The following TXNDC16 variants were observed in gnomAD, a reference collection of about 807,000 sequenced individuals.
TXNDC16 encodes thioredoxin domain-containing protein 16.
A neutral mutation model predicts 85.6 loss-of-function variants in TXNDC16; 74 were observed. That is an observed-to-expected ratio of 0.86 (90% CI 0.72 to 1.05). The LOEUF (loss-of-function observed/expected upper bound fraction) is 1.05, where lower values mean the gene tolerates loss of function less well. Among genes scored for constraint, TXNDC16 ranks in the 50% least tolerant of loss-of-function variants. The pLI is 0.00. For missense variants in TXNDC16, 959 were observed against 947.0 expected (o/e 1.01, Z -0.17); for synonymous variants, 335 against 326.5 (o/e 1.03, Z -0.28).
intron 6 of TXNDC16, among the ~76,000 whole-genome samples, chr14:52,528,990 A>G (rs998471935): frequency 1.4e-5 from 2 of 147,814 alleles, no homozygotes; most frequent in African/African-American, 4.9e-5. Context: ...TAATCTATAT[A>G]AAACCTATTA....
intron 9 of TXNDC16, among the ~76,000 whole-genome samples, chr14:52,496,241 T>C (rs1236545378): frequency 6.6e-6 from 1 of 151,746 alleles, no homozygotes; most frequent in Non-Finnish European, 1.5e-5. Context: ...ATAACCACTA[T>C]ATACACTCCT....
intron 12 of TXNDC16, among the ~76,000 whole-genome samples, chr14:52,488,013 T>C (rs1365364980): frequency 6.6e-6 from 1 of 152,202 alleles, no homozygotes; most frequent in Non-Finnish European, 1.5e-5. Context: ...CATTTCCTAA[T>C]AAAAATAGTA....
At position 52,530,403 on chromosome 14, in the gene TXNDC16, T is replaced by A. The variant is rs1463115787; in HGVS notation, c.392+6316A>T. On this transcript the variant is annotated intron_variant, in intron 6 of 20. Transcript: ENST00000281741. ...TTATATATAATATTATAATATAATATATAATTATTATATAATATTATATAT... is the reference window on the plus strand; with the variant it reads ...TTATATATAATATTATAATATAATAAATAATTATTATATAATATTATATAT... Among the ~76,000 whole-genome samples the A allele has an allele frequency of 1.1e-4, 2 of 17,780 alleles. 1 individual carries two copies. The highest frequency in any genetic ancestry group is 1.6e-4 in the Non-Finnish European group (2 of 12,796). The allele number at this position is 17,780 out of a possible 152,430, so 11.7% of individuals were successfully genotyped here. A position where few individuals can be genotyped will look rare whatever the true frequency, so the allele number is the denominator to read the frequency against.
intron 18 of TXNDC16, among the ~76,000 whole-genome samples, chr14:52,445,554 G>A (rs1427961595): frequency 6.6e-6 from 1 of 152,102 alleles, no homozygotes; most frequent in Non-Finnish European, 1.5e-5. Flanking sequence ...CTAAAATCAG[G>A]TAACACAGGT....
At chr14:52,518,003 C>T (rs1311053647) in intron 7 of TXNDC16, among the ~76,000 whole-genome samples, 2 of 152,130 alleles carry the variant, frequency 1.3e-5, no homozygotes, top group Non-Finnish European at 2.9e-5. Context: ...GCATAATGGC[C>T]ACTTGGCACT....
At chr14:52,530,174 A>G (rs1594757175) in intron 6 of TXNDC16, among the ~76,000 whole-genome samples, 1 of 87,608 alleles carries the variant, frequency 1.1e-5, no homozygotes, top group Non-Finnish European at 1.9e-5. Context: ...ATATTATATT[A>G]TATATAAATA....
chr14:52,526,610 G>A (rs1332257989), intron 6 of TXNDC16, among the ~76,000 whole-genome samples: 1 of 152,182 alleles, frequency 6.6e-6, no homozygotes, highest in Non-Finnish European at 1.5e-5. Context: ...AAACATATCT[G>A]TGATACTGTA....
chr14:52,473,069 G>A (rs576533798), intron 14 of TXNDC16, among the ~76,000 whole-genome samples: 4 of 152,254 alleles, frequency 2.6e-5, no homozygotes, highest in African/African-American at 9.6e-5. Flanking sequence ...ATACCTGACT[G>A]AAGCAATCTA....
At chr14:52,462,957 G>C (rs772619882) in intron 16 of TXNDC16, 10 of 455,876 alleles carry the variant, frequency 2.2e-5, no homozygotes, top group South Asian at 1.5e-4. Flanking sequence ...CTTAGTCATT[G>C]ACTTTTTTCC....
At chr14:52,511,603 C>T (rs944762007) in intron 8 of TXNDC16, among the ~76,000 whole-genome samples, 5 of 151,934 alleles carry the variant, frequency 3.3e-5, no homozygotes, top group African/African-American at 1.2e-4. Flanking sequence ...ACAAACCACA[C>T]GAGTTGTATA....
In TXNDC16 at chr14:52,440,689, G is replaced by A. The variant is rs763365160; in HGVS notation, c.1878C>T (p.Phe626=). The A allele has an allele frequency of 4.4e-6, 7 of 1,606,882 alleles. No individual in the cohort carries two copies. The Admixed American group carries it at 1.2e-4, about 28-fold the overall frequency. The change falls in exon 19 of 21, where the codon TTC becomes TTT. Residue 626 remains phenylalanine (F), a synonymous_variant. Transcript: ENST00000281741. ...AAATCAATAATGGTTTCTGAAGTCTGAAATAACTGGGAAGATTTTCCACAG... is the reference window on the plus strand; with the variant it reads ...AAATCAATAATGGTTTCTGAAGTCTAAAATAACTGGGAAGATTTTCCACAG... ...EITVENLPSY[F]RLQKPLLILF...
At chr14:52,520,399 G>A (rs1297903609) in intron 6 of TXNDC16, among the ~76,000 whole-genome samples, 2 of 152,092 alleles carry the variant, frequency 1.3e-5, no homozygotes, top group Admixed American at 1.3e-4. Flanking sequence ...CGAGGCGGGC[G>A]GATCACGAGG....
intron 16 of TXNDC16, among the ~76,000 whole-genome samples, chr14:52,466,725 G>A (rs1294986559): frequency 6.6e-6 from 1 of 151,908 alleles, no homozygotes; most frequent in Non-Finnish European, 1.5e-5. Context: ...AAATTAGCGG[G>A]GCATGGTGGC....
At chr14:52,480,971 ATATG>A (rs1314128381) in intron 14 of TXNDC16, among the ~76,000 whole-genome samples, 132 of 93,508 alleles carry the variant, frequency 1.4e-3, no homozygotes, top group South Asian at 6.1e-3. Context: ...GTATATATAT[ATATG>A]TATATATATA....
chr14:52,488,052 A>C (rs978551948), intron 12 of TXNDC16, among the ~76,000 whole-genome samples: 15 of 152,268 alleles, frequency 9.9e-5, no homozygotes, highest in Admixed American at 8.5e-4. Flanking sequence ...GTAGTTTCTA[A>C]GTAGAGTTTT....
chr14:52,452,941 G>A (rs898330099), intron 18 of TXNDC16, among the ~76,000 whole-genome samples: 21 of 151,962 alleles, frequency 1.4e-4, no homozygotes, highest in Admixed American at 5.2e-4. Context: ...CATCTGACAA[G>A]GGATTAATAA....
rs186457196 is a variant in TXNDC16, at chr14:52,452,591, T to C, written c.1842+2733A>G. On this transcript the variant is annotated intron_variant, in intron 18 of 20. Transcript: ENST00000281741. The stretch of plus-strand genomic sequence containing the variant: ...AGAACATACATTGGGGAAAGAATAA[T>C]TTCTTCAATAAATGGTGCTGGGAAA... 3.3e-5 allele frequency among the ~76,000 whole-genome samples: 5 copies of C among 152,270 alleles called. No individual in the cohort carries two copies. The East Asian group carries it at 9.6e-4, about 29-fold the overall frequency.
Position 52,517,881 on chromosome 14 carries a change from A to G in TXNDC16, c.514+1291T>C, listed in dbSNP as rs1056405060. 4.6e-5 allele frequency among the ~76,000 whole-genome samples: 7 copies of G among 152,116 alleles called. No individual in the cohort carries two copies. The East Asian group carries it at 5.8e-4, about 13-fold the overall frequency. On this transcript the variant is annotated intron_variant, in intron 7 of 20. Transcript: ENST00000281741. ...AACAAGTCTCCGTGTTCGGCCTTCA[A>G]TTGCTCTCTACCTCTTCTGTCTTAT...
intron 6 of TXNDC16, among the ~76,000 whole-genome samples, chr14:52,532,896 C>G (rs910389615): frequency 2.0e-5 from 3 of 152,122 alleles, no homozygotes; most frequent in Admixed American, 2.0e-4. Flanking sequence ...AGCTAAGGGA[C>G]AGCATACTGT....
Sources: allele counts gnomAD v4.1 joint callset (sites outside exome capture counted in the v4.1 genomes callset), GRCh38; gene constraint gnomAD v4.1.1; transcripts MANE v1.5; gene names NCBI Gene and HGNC (gene_info 2026-07-23, HGNC 2026-07-21).